Variants in TAF12 observed in about 807,000 individuals in gnomAD.
TAF12 encodes TATA-box binding protein associated factor 12, also known as transcription initiation factor TFIID subunit 12.
A neutral mutation model predicts 20.8 loss-of-function variants in TAF12; 3 were observed. That is an observed-to-expected ratio of 0.14 (90% CI 0.07 to 0.37). The LOEUF is 0.37. Ranked by LOEUF, TAF12 falls within the 10% of genes least tolerant of loss-of-function variation. The pLI is 1.00. For missense variants in TAF12, 131 were observed against 197.9 expected, an observed-to-expected ratio of 0.66 and a Z score of 2.03; for synonymous variants, 69 against 70.2, an observed-to-expected ratio of 0.98 and a Z score of 0.09.
In TAF12 at chr1:28,643,062, C is replaced by T. The variant is rs893457501; in HGVS notation, c.-155G>A. On this transcript the variant is annotated 5_prime_UTR_variant, in exon 1 of 6. Coordinates refer to ENST00000373824, the MANE Select transcript of TAF12 (RefSeq NM_005644.4). ...TGAAGCGTTCGTCTCAGCAGCCGGTCCGACTGCGCGGCCCTCCCCGACTAC... is the reference window on the plus strand; with the variant it reads ...TGAAGCGTTCGTCTCAGCAGCCGGTTCGACTGCGCGGCCCTCCCCGACTAC... The T allele has an allele frequency of 8.1e-6, 8 of 985,820 alleles. No homozygotes were observed. In the African/African-American group the frequency reaches 1.2e-4, roughly 15 times the overall value. The allele number at this position is 985,820 out of a possible 1,614,324, so 61.1% of individuals were successfully genotyped here.
chr1:28,644,425 C>T (rs1374943415), upstream of TAF12, among the ~76,000 whole-genome samples: 1 of 152,174 alleles, frequency 6.6e-6, no homozygotes, highest in Admixed American at 6.5e-5. Flanking sequence ...TTTTAGGGTC[C>T]GGCATACCAC....
At chr1:28,607,429 G>A (rs952974206) in intron 4 of TAF12, among the ~76,000 whole-genome samples, 2 of 152,136 alleles carry the variant, frequency 1.3e-5, no homozygotes, top group East Asian at 1.9e-4. Flanking sequence ...CCAGCACTTC[G>A]GGAGGCCAAA....
intron 5 of TAF12, 124 bp downstream of exon 5, chr1:28,605,248 C>T: frequency 1.1e-6 from 1 of 947,862 alleles, no homozygotes; most frequent in Non-Finnish European, 1.6e-6. Context: ...ACCCTTGCTC[C>T]AGAGAGTGAA....
intron 3 of TAF12, among the ~76,000 whole-genome samples, chr1:28,615,179 T>C (rs759769907): frequency 2.0e-5 from 3 of 152,014 alleles, no homozygotes. Flanking sequence ...GTCAATATAG[T>C]CCCCATGGCA....
chr1:28,641,737 G>C (rs1453226332), intron 1 of TAF12, among the ~76,000 whole-genome samples: 1 of 150,778 alleles, frequency 6.6e-6, no homozygotes, highest in Non-Finnish European at 1.5e-5. Flanking sequence ...GGAGGTGCAC[G>C]GGGCCAAGAC....
intron 1 of TAF12, among the ~76,000 whole-genome samples, chr1:28,642,394 G>A (rs1320857791): frequency 1.3e-5 from 2 of 152,070 alleles, no homozygotes; most frequent in Non-Finnish European, 2.9e-5. Context: ...TTAGATCCAA[G>A]GCTTTTAGGA....
intron 4 of TAF12, among the ~76,000 whole-genome samples, chr1:28,607,997 A>AGTGATGGTGAGT (rs1451959830): frequency 1.2e-4 from 18 of 151,920 alleles, no homozygotes; most frequent in Non-Finnish European, 2.2e-4. Context: ...ATTAGCCAAG[A>AGTGATGGTGAGT]GTGATGGTGA....
chr1:28,632,782 T>C (rs1002706885), intron 1 of TAF12, among the ~76,000 whole-genome samples: 2 of 152,116 alleles, frequency 1.3e-5, no homozygotes, highest in Non-Finnish European at 2.9e-5. Flanking sequence ...TTGAGTGTTG[T>C]AGTGCTTACA....
At chr1:28,606,875 C>A (rs1404885162) in intron 4 of TAF12, among the ~76,000 whole-genome samples, 1 of 152,174 alleles carries the variant, frequency 6.6e-6, no homozygotes, top group Non-Finnish European at 1.5e-5. Flanking sequence ...ACAGTAATAA[C>A]CACTGACAGG....
intron 1 of TAF12, among the ~76,000 whole-genome samples, chr1:28,632,265 C>T (rs1213083222): frequency 6.7e-6 from 1 of 148,586 alleles, no homozygotes; most frequent in African/African-American, 2.6e-5. Context: ...TGGTGAAACG[C>T]TCTCTACTAA....
At chr1:28,620,398 G>A (rs764909984) in intron 2 of TAF12, among the ~76,000 whole-genome samples, 1 of 151,714 alleles carries the variant, frequency 6.6e-6, no homozygotes, top group Non-Finnish European at 1.5e-5. Context: ...CTCCCAAAGT[G>A]CTGGGATTAC....
At chr1:28,618,394 T>C (rs1667107459) in intron 2 of TAF12, among the ~76,000 whole-genome samples, 3 of 152,160 alleles carry the variant, frequency 2.0e-5, no homozygotes. Context: ...TTTGTTTTGT[T>C]TTTGAGACAG....
chr1:28,646,647 C>T (rs1668193765), upstream of TAF12, among the ~76,000 whole-genome samples: 1 of 151,740 alleles, frequency 6.6e-6, no homozygotes, highest in South Asian at 2.1e-4. Flanking sequence ...TCTCCTGCCT[C>T]AGCTCCCTAG....
At chr1:28,629,491 G>GTA (rs1485701849) in intron 1 of TAF12, among the ~76,000 whole-genome samples, 1 of 151,980 alleles carries the variant, frequency 6.6e-6, no homozygotes, top group Non-Finnish European at 1.5e-5. Flanking sequence ...GTACTACCAC[G>GTA]CCTGGCTAAT....
chr1:28,638,964 TTG>T (rs1478295573), intron 1 of TAF12, among the ~76,000 whole-genome samples: 1 of 151,176 alleles, frequency 6.6e-6, no homozygotes, highest in Admixed American at 6.6e-5. Context: ...TTTTTTTGTA[TTG>T]TTAGTAGAGA....
chr1:28,631,247 C>A (rs759720497), intron 1 of TAF12, among the ~76,000 whole-genome samples: 1 of 151,728 alleles, frequency 6.6e-6, no homozygotes, highest in Non-Finnish European at 1.5e-5. Context: ...CTCGGCCAGG[C>A]ATGGTGGCTC....
At position 28,621,948 on chromosome 1, in the gene TAF12, C is replaced by T. The variant is rs777359513; in HGVS notation, c.134G>A (p.Gly45Glu). The T allele has an allele frequency of 6.2e-7, 1 of 1,613,652 alleles. No homozygotes were observed. The highest frequency in any genetic ancestry group is 2.2e-5 in the East Asian group (1 of 44,856). The change falls in exon 2 of 6, where the codon GGG becomes GAG. Residue 45 changes from glycine to glutamate, a missense_variant. Physicochemically the swap from Gly to Glu is moderately conservative, Grantham distance 98. Coordinates refer to ENST00000373824, the MANE Select transcript of TAF12 (RefSeq NM_005644.4). Reference sequence around the variant, plus strand: ...TTCAGGGCTAAGACGACCTCCTGCCCCAGGAGTGCCTGGTATCTTTACCAC... The same window carrying T: ...TTCAGGGCTAAGACGACCTCCTGCCTCAGGAGTGCCTGGTATCTTTACCAC... ...TAVVKIPGTP[G>E]AGGRLSPENN...
intron 1 of TAF12, among the ~76,000 whole-genome samples, chr1:28,626,191 C>A (rs1667380513): frequency 6.6e-6 from 1 of 150,822 alleles, no homozygotes; most frequent in Non-Finnish European, 1.5e-5. Context: ...GTTAGTCAGG[C>A]TAGTCTCAAA....
At chr1:28,606,419 G>A (rs1666669437) in intron 4 of TAF12, among the ~76,000 whole-genome samples, 1 of 151,812 alleles carries the variant, frequency 6.6e-6, no homozygotes, top group South Asian at 2.1e-4. Context: ...GATTACAGGC[G>A]TGAGCCACTG....
Sources: gnomAD v4.1 joint callset for allele counts (sites outside exome capture counted in the v4.1 genomes callset) on GRCh38, gnomAD v4.1.1 for gene constraint, MANE v1.5 for transcripts, NCBI Gene and HGNC (gene_info 2026-07-23, HGNC 2026-07-21) for gene names.